Variants in SCARF2 observed in about 807,000 individuals in gnomAD.
SCARF2 encodes the protein scavenger receptor expressed by endothelial cells 2 protein.
A neutral mutation model predicts 73.4 loss-of-function variants in SCARF2; 39 were observed. The ratio of observed to expected loss-of-function variants is 0.53; its 90% CI spans 0.41 to 0.69. The LOEUF (loss-of-function observed/expected upper bound fraction) is 0.69. Ranked by LOEUF, SCARF2 falls within the 30% of genes least tolerant of loss-of-function variation. The pLI, the probability that SCARF2 is intolerant of heterozygous loss-of-function variation, is 0.00. For missense variants in SCARF2, 1,148 were observed against 1,303.5 expected (o/e 0.88, Z 1.84); for synonymous variants, 605 against 590.0 (o/e 1.03, Z -0.37).
chr22:20,426,128 C>T lies in SCARF2; in HGVS notation c.1848G>A (p.Glu616=), dbSNP rs2146120592. Residue 616 remains glutamate (E), a synonymous_variant, in exon 11 of 11, where the codon GAG becomes GAA. Coordinates refer to ENST00000622235, the MANE Select transcript of SCARF2 (RefSeq NM_182895.5). ...SDSERSASSV[E]GPGGALYARV... ...GCGCGTACAGAGCCCCTCCGGGCCC[C>T]TCCACGCTGGACGCCGACCGCTCGC... The T allele has an allele frequency of 6.8e-7, 1 of 1,470,586 alleles. No homozygotes were observed. Among genetic ancestry groups the T allele is most frequent in the Non-Finnish European group, 8.9e-7 (1 of 1,118,650 alleles). The allele number at this position is 1,470,586 out of a possible 1,614,324, so 91.1% of individuals were successfully genotyped here.
At position 20,432,067 on chromosome 22, in the gene SCARF2, G is replaced by A. The variant is rs970695268; in HGVS notation, c.174-79C>T. 30 of 1,421,032 alleles carry A rather than the reference G, an allele frequency of 2.1e-5. No individual in the cohort carries two copies. In the East Asian group the frequency reaches 2.4e-4, roughly 12 times the overall value. The allele number at this position is 1,421,032 out of a possible 1,614,324, so 88.0% of individuals were successfully genotyped here. A position where few individuals can be genotyped will look rare whatever the true frequency, so the allele number is the denominator to read the frequency against. On this transcript the variant is annotated intron_variant, in intron 1 of 10. Transcript: ENST00000622235. ...TGCTCCGGGCTCCTCCGCAGCCTCC[G>A]CACAGCCTCCCTGCCTCTGCAGTTG...
At position 20,429,708 on chromosome 22, in the gene SCARF2, G is replaced by A. The variant is rs2052620888; in HGVS notation, c.1306+22C>T. The A allele has an allele frequency of 6.2e-7, 1 of 1,613,972 alleles. No homozygotes were observed. The highest frequency in any genetic ancestry group is 2.2e-5 in the East Asian group (1 of 44,872). ...TCTGGCACCCCCTGCATTCCTTAAC[G>A]GGACGCCCCTCATCCACTTACCTAG... On this transcript the variant is annotated intron_variant, in intron 7 of 10. Transcript: ENST00000622235. The surrounding 1 kb of genome is among the most constrained non-coding windows in gnomAD (Gnocchi z 5.2).
At chr22:20,432,530 G>A (rs1465269043) in intron 1 of SCARF2, among the ~76,000 whole-genome samples, 4 of 152,154 alleles carry the variant, frequency 2.6e-5, no homozygotes, top group Non-Finnish European at 5.9e-5. Context: ...GACGGGGGGT[G>A]GCATGTAGAC....
chr22:20,430,395 G>A (rs772176727), intron 6 of SCARF2, 34 bp downstream of exon 6: 19 of 1,571,248 alleles, frequency 1.2e-5, no homozygotes, highest in Admixed American at 1.8e-5. Context: ...GCAGGTACAA[G>A]CCCCCAACCC....
In SCARF2 at chr22:20,425,360, A is replaced by G. The variant is rs761498649; in HGVS notation, c.*15T>C. On this transcript the variant is annotated 3_prime_UTR_variant, in exon 11 of 11. Coordinates refer to ENST00000622235, the MANE Select transcript of SCARF2 (RefSeq NM_182895.5). This position sits in a 1 kb window ranked among gnomAD's most constrained non-coding sequence, Gnocchi z 4.6. The stretch of plus-strand genomic sequence containing the variant: ...GCGAAGCTGAGGGAGCTGCGCGCGG[A>G]CGAGCCACAGCCTGCTACAGGGTGG... 8.4e-5 allele frequency: 116 copies of G among 1,385,604 alleles called. 2 individuals are homozygous for G. Among genetic ancestry groups the G allele is most frequent in the Non-Finnish European group, 1.1e-4 (113 of 1,064,168 alleles). 85.8% of individuals were successfully genotyped at this position (1,385,604 alleles called of 1,614,324 possible).
Position 20,430,917 on chromosome 22 carries a change from G to C in SCARF2, c.855-9C>G. ...CCTTGCACTGGCCACACCTGGGGGA[G>C]GGGTCGGAGGCTAGGGAAGGCTGGG... On this transcript the variant is annotated splice_polypyrimidine_tract_variant and intron_variant, in intron 4 of 10. Coordinates refer to ENST00000622235, the MANE Select transcript of SCARF2 (RefSeq NM_182895.5). The C allele has an allele frequency of 6.3e-7, 1 of 1,584,042 alleles. No individual in the cohort carries two copies. The highest frequency in any genetic ancestry group is 2.3e-5 in the East Asian group (1 of 43,986).
chr22:20,424,686 TATAA>T lies in SCARF2; in HGVS notation c.*685_*688del, dbSNP rs1461700117. 6.6e-6 allele frequency: 1 copy of T among 152,298 alleles called. No homozygotes were observed. Among genetic ancestry groups the T allele is most frequent in the Non-Finnish European group, 1.5e-5 (1 of 68,094 alleles). 9.4% of individuals were successfully genotyped at this position (152,298 alleles called of 1,614,324 possible). On this transcript the variant is annotated 3_prime_UTR_variant, in exon 11 of 11. Coordinates refer to ENST00000622235, the MANE Select transcript of SCARF2 (RefSeq NM_182895.5). The stretch of plus-strand genomic sequence containing the variant: ...GGGGGGAGCAGCCCTGCTGGGGGCC[TATAA>T]ATACATCTCCTCAGGCCACTAGAGT...
chr22:20,435,820 G>A (rs2052693774), intron 1 of SCARF2, among the ~76,000 whole-genome samples: 1 of 152,170 alleles, frequency 6.6e-6, no homozygotes, highest in Admixed American at 6.5e-5. Flanking sequence ...CACAGGGTCA[G>A]GGTCTCCACT....
Position 20,430,873 on chromosome 22 carries a change from A to T in SCARF2, c.890T>A (p.Val297Glu). 1 of 1,604,416 alleles carries T rather than the reference A, an allele frequency of 6.2e-7. No homozygotes were observed. ...GCACGTCAAGCAGCGGCCCTCGGCC[A>T]CCGTGCACGGCTGCTGGCCCTTGCA... ...GQCKGQQPCT[V>E]AEGRCLTCEP... is the part of the protein sequence containing the mutation. The change falls in exon 5 of 11, where the codon GTG (valine) becomes GAG (glutamate). Residue 297 changes from valine (V) to glutamate (E), a missense_variant. By Grantham distance (121) the Val-to-Glu change is moderately radical. Around this residue, in one of 5 missense-constraint regions of SCARF2, gnomAD observed 372 missense variants for 532.0 expected, o/e 0.70. Transcript: ENST00000622235.
Position 20,425,731 on chromosome 22 carries a change from C to A in SCARF2, c.2245G>T (p.Gly749Cys). The change falls in exon 11 of 11, where the codon GGC becomes TGC. Residue 749 changes from glycine (G) to cysteine (C), a missense_variant. By Grantham distance (159) the Gly-to-Cys change is radical (BLOSUM62 -3). Coordinates refer to ENST00000622235, the MANE Select transcript of SCARF2 (RefSeq NM_182895.5). The surrounding 1 kb of genome is among the most constrained non-coding windows in gnomAD (Gnocchi z 4.6). ...CCGGCGTCCGTGGGCTCCAAGAGGCCGGGGCCGCGGCCCCGCGCTCGGGCC... is the reference window on the plus strand; with the variant it reads ...CCGGCGTCCGTGGGCTCCAAGAGGCAGGGGCCGCGGCCCCGCGCTCGGGCC... ...PRARARGRGP[G>C]LLEPTDAGGP... The A allele has an allele frequency of 1.6e-6, 2 of 1,231,350 alleles. No individual in the cohort carries two copies. The highest frequency in any genetic ancestry group is 2.0e-6 in the Non-Finnish European group (2 of 990,688). The allele number at this position is 1,231,350 out of a possible 1,614,324, so 76.3% of individuals were successfully genotyped here. A position where few individuals can be genotyped will look rare whatever the true frequency, so the allele number is the denominator to read the frequency against.
rs759431436 is a variant in SCARF2, at chr22:20,426,081, C to T, written c.1895G>A (p.Arg632Gln). 2.0e-6 allele frequency: 3 copies of T among 1,525,042 alleles called. No homozygotes were observed. The highest frequency in any genetic ancestry group is 2.9e-5 in the African/African-American group (2 of 69,874). The allele number at this position is 1,525,042 out of a possible 1,614,324, so 94.5% of individuals were successfully genotyped here. The change falls in exon 11 of 11, where the codon CGG becomes CAG. Residue 632 changes from arginine to glutamine, a missense_variant. Physicochemically the swap from Arg to Gln is conservative, Grantham distance 43. Coordinates refer to ENST00000622235, the MANE Select transcript of SCARF2 (RefSeq NM_182895.5). The part of the protein sequence containing the change: ...LYARVARREA[R>Q]PARARGEIGG... ...AATCTCGCCCCGGGCCCGGGCCGGC[C>T]GGGCCTCGCGTCGGGCCACGCGCGC...
Position 20,437,686 on chromosome 22 carries a change from C to A in SCARF2, c.69G>T (p.Pro23=). The A allele has an allele frequency of 6.8e-7, 1 of 1,480,116 alleles. No individual in the cohort carries two copies. Among genetic ancestry groups the A allele is most frequent in the Non-Finnish European group, 8.9e-7 (1 of 1,121,208 alleles). 91.7% of individuals were successfully genotyped at this position (1,480,116 alleles called of 1,614,324 possible). A position where few individuals can be genotyped will look rare whatever the true frequency, so the allele number is the denominator to read the frequency against. ...RRRGAGGPPS[P]LLPSLLLLLL... ...GCAGCAGCAGCAGCGACGGCAGCAGCGGTGACGGCGGCCCCCCGGCTCCCC... is the reference window on the plus strand; with the variant it reads ...GCAGCAGCAGCAGCGACGGCAGCAGAGGTGACGGCGGCCCCCCGGCTCCCC... The change falls in exon 1 of 11, where the codon CCG becomes CCT. Residue 23 remains proline (P), a synonymous_variant. Coordinates refer to ENST00000622235, the MANE Select transcript of SCARF2 (RefSeq NM_182895.5).
At chr22:20,426,965 A>G (rs2052585588) in intron 10 of SCARF2, among the ~76,000 whole-genome samples, 1 of 151,064 alleles carries the variant, frequency 6.6e-6, no homozygotes, top group African/African-American at 2.4e-5. Context: ...TGAGGCTCTG[A>G]GTTGGTCACC....
chr22:20,437,675 G>C lies in SCARF2; in HGVS notation c.80C>G (p.Ser27Trp), dbSNP rs780211292. The C allele has an allele frequency of 5.9e-5, 89 of 1,504,068 alleles. 1 individual carries two copies. The highest frequency in any genetic ancestry group is 7.1e-6 in the Non-Finnish European group (8 of 1,132,994). The allele number at this position is 1,504,068 out of a possible 1,614,324, so 93.2% of individuals were successfully genotyped here. A position where few individuals can be genotyped will look rare whatever the true frequency, so the allele number is the denominator to read the frequency against. Reference protein sequence around the residue: ...AGGPPSPLLPSLLLLLLLWML... With the variant: ...AGGPPSPLLPWLLLLLLLWML... The stretch of plus-strand genomic sequence containing the variant: ...CCAGAGCAGCAGCAGCAGCAGCAGC[G>C]ACGGCAGCAGCGGTGACGGCGGCCC... The change falls in exon 1 of 11, where the codon TCG (serine) becomes TGG (tryptophan). Residue 27 changes from serine to tryptophan, a missense_variant. Ser to Trp is a radical substitution (Grantham distance 177). Transcript: ENST00000622235.
In SCARF2 at chr22:20,427,540, G is replaced by A. The variant is rs150565069; in HGVS notation, c.1551C>T (p.His517=). 578 of 1,613,294 alleles carry A rather than the reference G, an allele frequency of 3.6e-4. 2 individuals carry two copies. The African/African-American group carries it at 6.6e-3, about 18-fold the overall frequency. ...TGCAGTTGAGTGTGTTATCCAGGTCGTGGTGGGCCACTGGGGAAGGATGAG... is the reference window on the plus strand; with the variant it reads ...TGCAGTTGAGTGTGTTATCCAGGTCATGGTGGGCCACTGGGGAAGGATGAG... ...QKLPKVVVAH[H]DLDNTLNCSF... Residue 517 remains histidine (H), a synonymous_variant, in exon 10 of 11, where the codon CAC becomes CAT. Transcript: ENST00000622235.
intron 1 of SCARF2, among the ~76,000 whole-genome samples, chr22:20,434,590 A>G (rs1036706309): frequency 4.6e-5 from 7 of 151,996 alleles, no homozygotes; most frequent in Non-Finnish European, 1.0e-4. Flanking sequence ...TGGCAAGCCC[A>G]CTCTCTGAAG....
intron 3 of SCARF2, 35 bp from the exon 4 acceptor site, chr22:20,431,572 G>C (rs1402486766): frequency 1.1e-5 from 17 of 1,551,166 alleles, no homozygotes; most frequent in African/African-American, 2.7e-5. Context: ...GGAAGGCCCC[G>C]GTGCTTGAGT....
Position 20,429,738 on chromosome 22 carries a change from C to T in SCARF2, c.1298G>A (p.Cys433Tyr), listed in dbSNP as rs1264061839. 1 of 1,613,874 alleles carries T rather than the reference C, an allele frequency of 6.2e-7. No individual in the cohort carries two copies. The highest frequency in any genetic ancestry group is 8.5e-7 in the Non-Finnish European group (1 of 1,179,944). The change falls in exon 7 of 11, where the codon TGC becomes TAC. Residue 433 changes from cysteine to tyrosine, a missense_variant. Physicochemically the swap from Cys to Tyr is radical, Grantham distance 194. Around this residue, in one of 5 missense-constraint regions of SCARF2, gnomAD observed 372 missense variants for 532.0 expected, o/e 0.70. Coordinates refer to ENST00000622235, the MANE Select transcript of SCARF2 (RefSeq NM_182895.5). This position sits in a 1 kb window ranked among gnomAD's most constrained non-coding sequence, Gnocchi z 5.2. ...GCCCCTCATCCACTTACCTAGGTGG[C>T]AGGCACCAGTGACCGGGTCGCACGT... ...EDTCDPVTGACHLETNQRKGV... is the reference protein window; with the variant it reads ...EDTCDPVTGAYHLETNQRKGV...
At chr22:20,431,573 G>A (rs1159958202) in intron 3 of SCARF2, 36 bp from the exon 4 acceptor site, 27 of 1,550,894 alleles carry the variant, frequency 1.7e-5, no homozygotes, top group Non-Finnish European at 2.3e-5. Context: ...GAAGGCCCCG[G>A]TGCTTGAGTA....
Sources: allele counts gnomAD v4.1 joint callset (sites outside exome capture counted in the v4.1 genomes callset), GRCh38; gene constraint gnomAD v4.1.1; regional missense constraint gnomAD v4.1.1; non-coding constraint Gnocchi (gnomAD v3.1); transcripts MANE v1.5; gene names NCBI Gene and HGNC (gene_info 2026-07-23, HGNC 2026-07-21).